The following NDE1 variants were observed in gnomAD, a reference collection of about 807,000 sequenced individuals.
The protein encoded by NDE1 is nuclear distribution protein nudE homolog 1.
In NDE1, 28 loss-of-function variants were observed where a neutral mutation model predicts 43.4. The ratio of observed to expected loss-of-function variants is 0.65; its 90% CI spans 0.48 to 0.89. The LOEUF is 0.89. Among genes scored for constraint, NDE1 ranks in the 40% least tolerant of loss-of-function variants. The pLI, the probability that NDE1 is intolerant of heterozygous loss-of-function variation, is 0.00. For synonymous variants in NDE1, 184 were observed against 172.0 expected (o/e 1.07, Z -0.55); for missense variants, 441 against 434.1 (o/e 1.02, Z -0.14).
intron 3 of NDE1, among the ~76,000 whole-genome samples, chr16:15,675,587 C>T (rs573864733): frequency 3.9e-4 from 59 of 152,090 alleles, no homozygotes; most frequent in Admixed American, 3.1e-3. Context: ...CAGGTGCATG[C>T]CACCACGCCT....
chr16:15,706,805 T>C (rs768986720), intron 8 of NDE1, among the ~76,000 whole-genome samples: 18 of 152,240 alleles, frequency 1.2e-4, no homozygotes, highest in Non-Finnish European at 1.9e-4. Flanking sequence ...AGAGTCTATT[T>C]GCTAACTGGA....
At chr16:15,682,394 C>A (rs2038228101) in intron 4 of NDE1, among the ~76,000 whole-genome samples, 1 of 152,184 alleles carries the variant, frequency 6.6e-6, no homozygotes, top group Non-Finnish European at 1.5e-5. Flanking sequence ...GAAAATGTTA[C>A]AATTTTGTGC....
chr16:15,724,680 G>T lies in NDE1; in HGVS notation c.*429G>T. The T allele has an allele frequency of 5.0e-6, 8 of 1,614,218 alleles. No individual in the cohort carries two copies. The highest frequency in any genetic ancestry group is 6.8e-6 in the Non-Finnish European group (8 of 1,180,042). On this transcript the variant is annotated 3_prime_UTR_variant, in exon 9 of 9. Coordinates refer to ENST00000396354, the MANE Select transcript of NDE1 (RefSeq NM_017668.3). The stretch of plus-strand genomic sequence containing the variant: ...TGAGAGTGGAGATGTGGCGCTCCAG[G>T]TTCTGCTTGGCCTCCATCTCCTCGT...
rs753837997 is a variant in NDE1 at position 15,687,275 on chromosome 16, GTGCC to G, written c.387-99_387-96del. On this transcript the variant is annotated intron_variant, in intron 4 of 8. Transcript: ENST00000396354. Reference sequence around the variant, plus strand: ...TCTAGGAAGTTTGGGGCTGGGACTTGTGCCCAGGTGTGTCTGACCCTTCGCACCT... The same window carrying G: ...TCTAGGAAGTTTGGGGCTGGGACTTGCAGGTGTGTCTGACCCTTCGCACCT... The G allele has an allele frequency of 1.1e-5, 17 of 1,602,022 alleles. No individual in the cohort carries two copies. The South Asian group carries it at 1.8e-4, about 17-fold the overall frequency.
chr16:15,714,803 G>GA, intron 8 of NDE1: 2 of 1,346,006 alleles, frequency 1.5e-6, no homozygotes, highest in Non-Finnish European at 2.1e-6. Flanking sequence ...AGAAGGGAGT[G>GA]GCGGCTGTGG....
At chr16:15,657,674 A>G (rs2036839255) in intron 1 of NDE1, among the ~76,000 whole-genome samples, 1 of 152,156 alleles carries the variant, frequency 6.6e-6, no homozygotes. Flanking sequence ...GGCTCACTGC[A>G]GCCTCCGCTT....
intron 8 of NDE1, among the ~76,000 whole-genome samples, chr16:15,704,926 A>G (rs2039367436): frequency 2.0e-5 from 3 of 151,566 alleles, no homozygotes; most frequent in Admixed American, 6.6e-5. Context: ...CAGTTCTCCT[A>G]CCTTGGCCTC....
At chr16:15,650,801 ACC>A (rs1259172059) in intron 1 of NDE1, among the ~76,000 whole-genome samples, 2 of 149,384 alleles carry the variant, frequency 1.3e-5, no homozygotes, top group African/African-American at 5.0e-5. Flanking sequence ...GCGACCCCAG[ACC>A]CCTCGATTGC....
At chr16:15,706,537 G>A (rs529617433) in intron 8 of NDE1, among the ~76,000 whole-genome samples, 45 of 152,192 alleles carry the variant, frequency 3.0e-4, no homozygotes, top group African/African-American at 9.9e-4. Flanking sequence ...GTGAAACCCC[G>A]TCTCTACTAA....
chr16:15,694,440 G>A, intron 7 of NDE1, 184 bp downstream of exon 7: 7 of 1,436,668 alleles, frequency 4.9e-6, no homozygotes, highest in Non-Finnish European at 6.6e-6. Context: ...CAAAATCCTG[G>A]GTTCAAGCGA....
chr16:15,721,411 G>A (rs1256746022), intron 8 of NDE1: 2 of 1,613,990 alleles, frequency 1.2e-6, no homozygotes, highest in East Asian at 2.2e-5. Context: ...AAACCACCCA[G>A]AGCCACTTAC....
intron 8 of NDE1, chr16:15,720,932 T>C: frequency 1.9e-6 from 3 of 1,614,050 alleles, no homozygotes; most frequent in Non-Finnish European, 2.5e-6. Context: ...GCATGTTGAC[T>C]TCCAGCCGCA....
intron 1 of NDE1, chr16:15,651,848 A>C (rs1238767404): frequency 6.6e-6 from 1 of 152,168 alleles, no homozygotes; most frequent in Non-Finnish European, 1.5e-5. Flanking sequence ...ATTTTATCCC[A>C]TGTTGGATAA....
chr16:15,719,502 C>T, intron 8 of NDE1: 2 of 1,601,566 alleles, frequency 1.2e-6, no homozygotes, highest in Middle Eastern at 2.1e-4. Context: ...GAAATGAAAT[C>T]TGGGAATGCA....
At chr16:15,678,149 G>A (rs1054874178) in intron 4 of NDE1, among the ~76,000 whole-genome samples, 200 bp downstream of exon 4, 1 of 152,178 alleles carries the variant, frequency 6.6e-6, no homozygotes, top group African/African-American at 2.4e-5. Flanking sequence ...AGCAAGGCTG[G>A]CAGCCCAGGG....
At chr16:15,701,693 G>T (rs144953026) in intron 8 of NDE1, 1 of 152,188 alleles carries the variant, frequency 6.6e-6, no homozygotes, top group East Asian at 1.9e-4. Context: ...CTAATTTCTG[G>T]AGTGTGCCTG....
chr16:15,644,674 A>G (rs951200474), intron 1 of NDE1, among the ~76,000 whole-genome samples: 59 of 152,214 alleles, frequency 3.9e-4, no homozygotes, highest in African/African-American at 1.4e-3. Flanking sequence ...GTATTTTCCA[A>G]GTGGAGATTA....
chr16:15,719,367 T>C (rs2040345392), intron 8 of NDE1: 1 of 1,572,050 alleles, frequency 6.4e-7, no homozygotes, highest in African/African-American at 1.4e-5. Context: ...CCACCAAGAG[T>C]CCACCCTGAC....
chr16:15,654,087 G>A (rs1317605657), intron 1 of NDE1, among the ~76,000 whole-genome samples: 1 of 152,140 alleles, frequency 6.6e-6, no homozygotes, highest in South Asian at 2.1e-4. Context: ...GATACTTTTT[G>A]TACCACTGGG....
Sources: allele counts gnomAD v4.1 joint callset (sites outside exome capture counted in the v4.1 genomes callset), GRCh38; gene constraint gnomAD v4.1.1; transcripts MANE v1.5; gene names NCBI Gene and HGNC (gene_info 2026-07-23, HGNC 2026-07-21).